The following COLEC12 variants were observed in gnomAD, a reference collection of about 807,000 sequenced individuals.
COLEC12 encodes the protein collectin subfamily member 12.
Under a neutral mutation model 71.1 loss-of-function variants are expected in COLEC12, and 33 were observed. That is an observed-to-expected ratio of 0.46 (90% CI 0.35 to 0.62). The LOEUF (loss-of-function observed/expected upper bound fraction) is 0.62, where lower values mean the gene tolerates loss of function less well. Among genes scored for constraint, COLEC12 ranks in the 20% least tolerant of loss-of-function variants. COLEC12 has a pLI of 0.00. For missense variants in COLEC12, 765 were observed against 916.1 expected, an observed-to-expected ratio of 0.84 and a Z score of 2.13; for synonymous variants, 350 against 353.0, an observed-to-expected ratio of 0.99 and a Z score of 0.10.
chr18:384,277 A>G (rs2143570397), intron 2 of COLEC12, among the ~76,000 whole-genome samples: 1 of 152,232 alleles, frequency 6.6e-6, no homozygotes, highest in South Asian at 2.1e-4. Flanking sequence ...GTTGAGAACA[A>G]CTGCTCCAGA....
chr18:477,907 C>T (rs1917336216), intron 2 of COLEC12, among the ~76,000 whole-genome samples: 1 of 152,180 alleles, frequency 6.6e-6, no homozygotes, highest in Non-Finnish European at 1.5e-5. Flanking sequence ...TATCAACCTG[C>T]TGCATGGAAG....
intron 2 of COLEC12, among the ~76,000 whole-genome samples, chr18:418,017 C>T (rs1290048456): frequency 6.6e-6 from 1 of 152,144 alleles, no homozygotes; most frequent in African/African-American, 2.4e-5. Flanking sequence ...CCCAAGAAGC[C>T]AGGGTGAGGG....
At chr18:417,315 T>C (rs935281562) in intron 2 of COLEC12, among the ~76,000 whole-genome samples, 4 of 152,170 alleles carry the variant, frequency 2.6e-5, no homozygotes, top group Non-Finnish European at 5.9e-5. Context: ...ACAATAAAAA[T>C]ATGATATAAA....
intron 2 of COLEC12, among the ~76,000 whole-genome samples, chr18:405,581 G>A (rs778328707): frequency 6.6e-6 from 1 of 152,186 alleles, no homozygotes. Context: ...AATATTGGGG[G>A]CAGGTTCCCC....
intron 6 of COLEC12, 195 bp downstream of exon 6, chr18:334,547 G>A: frequency 2.5e-6 from 1 of 404,986 alleles, no homozygotes; most frequent in Non-Finnish European, 4.3e-6. Context: ...AGAATCACTT[G>A]AACCCGGGAT....
chr18:337,271 C>A (rs62089626), intron 5 of COLEC12, among the ~76,000 whole-genome samples: 19,794 of 152,084 alleles, frequency 0.13, 1,623 homozygotes, highest in African/African-American at 0.2. Flanking sequence ...TCCTTTATCC[C>A]TCCTGCTCCT....
At chr18:330,948 C>T (rs1354658523) in intron 8 of COLEC12, among the ~76,000 whole-genome samples, 2 of 148,336 alleles carry the variant, frequency 1.3e-5, no homozygotes, top group African/African-American at 2.5e-5. Context: ...GGCGCCATCT[C>T]GGCTTGCTAC....
At chr18:482,838 C>G (rs551381659) in intron 1 of COLEC12, among the ~76,000 whole-genome samples, 71 of 151,906 alleles carry the variant, frequency 4.7e-4, no homozygotes, top group Middle Eastern at 3.4e-3. Context: ...GTCTCGAACT[C>G]CTGACCTCAG....
intron 2 of COLEC12, among the ~76,000 whole-genome samples, chr18:369,389 TTTTTTTTA>T (rs1914944347): frequency 2.1e-5 from 3 of 144,526 alleles, no homozygotes; most frequent in South Asian, 2.2e-4. Context: ...ACAGATCTTT[TTTTTTTTA>T]TTTTTTTTTA....
intron 1 of COLEC12, among the ~76,000 whole-genome samples, chr18:489,452 T>C (rs1440734362): frequency 6.6e-6 from 1 of 152,178 alleles, no homozygotes; most frequent in Admixed American, 6.5e-5. Context: ...TCTGGGTGTG[T>C]CTGTGTGTAT....
At chr18:442,831 C>T (rs569931196) in intron 2 of COLEC12, among the ~76,000 whole-genome samples, 2 of 152,294 alleles carry the variant, frequency 1.3e-5, no homozygotes, top group African/African-American at 4.8e-5. Context: ...CGTGGCGGCA[C>T]GCGCCTGTAG....
At chr18:432,145 C>T (rs1916316565) in intron 2 of COLEC12, among the ~76,000 whole-genome samples, 1 of 152,168 alleles carries the variant, frequency 6.6e-6, no homozygotes, top group Non-Finnish European at 1.5e-5. Flanking sequence ...CATAGTGAAC[C>T]TGGACTTGAT....
chr18:491,116 C>T (rs1422095254), intron 1 of COLEC12, among the ~76,000 whole-genome samples: 3 of 152,214 alleles, frequency 2.0e-5, no homozygotes, highest in Non-Finnish European at 4.4e-5. Flanking sequence ...TCTACTGTCA[C>T]CACCACCCAC....
chr18:350,017 T>A (rs1252532511), intron 3 of COLEC12, among the ~76,000 whole-genome samples: 1 of 152,192 alleles, frequency 6.6e-6, no homozygotes, highest in East Asian at 1.9e-4. Flanking sequence ...TGAAATGAGT[T>A]AAAACTTTGT....
At chr18:406,515 CAAAAAAAA>C (rs34263909) in intron 2 of COLEC12, among the ~76,000 whole-genome samples, 8 of 90,444 alleles carry the variant, frequency 8.8e-5, no homozygotes, top group Admixed American at 3.7e-4. Flanking sequence ...GACTCCGTCT[CAAAAAAAA>C]AAAAAAAAAA....
At chr18:383,930 C>T (rs1296320907) in intron 2 of COLEC12, among the ~76,000 whole-genome samples, 1 of 151,496 alleles carries the variant, frequency 6.6e-6, no homozygotes, top group African/African-American at 2.4e-5. Flanking sequence ...GAATGAGAAC[C>T]AAGCAAAAAG....
At chr18:380,622 C>T (rs958967540) in intron 2 of COLEC12, among the ~76,000 whole-genome samples, 14 of 152,178 alleles carry the variant, frequency 9.2e-5, no homozygotes, top group African/African-American at 3.1e-4. Context: ...CACACACACG[C>T]TTGCAGGATG....
rs1426340482 is a variant in COLEC12 at position 435,337 on chromosome 18, A to G, written c.58+45370T>C. 3.3e-5 allele frequency among the ~76,000 whole-genome samples: 5 copies of G among 152,204 alleles called. No homozygotes were observed. In the East Asian group the frequency reaches 9.6e-4, roughly 29 times the overall value. ...CTCAGGAAACTTACAATCATGGCAG[A>G]AGGCAAAGAAGAGGCAGGCACCTTC... On this transcript the variant is annotated intron_variant, in intron 2 of 9. Transcript: ENST00000400256.
intron 2 of COLEC12, among the ~76,000 whole-genome samples, chr18:428,334 T>C (rs944370426): frequency 1.3e-5 from 2 of 152,138 alleles, no homozygotes; most frequent in African/African-American, 4.8e-5. Flanking sequence ...CCTTGTTCTA[T>C]GCACTGGGAA....
Sources: allele counts gnomAD v4.1 joint callset (sites outside exome capture counted in the v4.1 genomes callset), GRCh38; gene constraint gnomAD v4.1.1; transcripts MANE v1.5; gene names NCBI Gene and HGNC (gene_info 2026-07-23, HGNC 2026-07-21).